Variants in MAOB observed in about 807,000 individuals in gnomAD.
The protein encoded by MAOB is amine oxidase [flavin-containing] B.
Under a neutral mutation model 41.9 loss-of-function variants are expected in MAOB, and 15 were observed. That is an observed-to-expected ratio of 0.36 (90% CI 0.24 to 0.55). The LOEUF is 0.55. Among genes scored for constraint, MAOB ranks in the 20% least tolerant of loss-of-function variants. The probability of loss-of-function intolerance (pLI) is 0.86; values close to 1 mark genes in which losing one functional copy is unlikely to be tolerated. For synonymous variants in MAOB, 167 were observed against 144.2 expected (o/e 1.16, Z -1.13); for missense variants, 345 against 398.7 (o/e 0.87, Z 1.15).
chrX:43,803,551 A>G lies in MAOB; in HGVS notation c.280-147T>C, dbSNP rs778278329. ...CAACTTTTTAGCTCCTTGTGTCCTC[A>G]GAACCCCACTTAACTTTTTAGCATA... On this transcript the variant is annotated intron_variant, in intron 3 of 14. Coordinates refer to ENST00000378069, the MANE Select transcript of MAOB (RefSeq NM_000898.5). 5 of 824,356 alleles carry G rather than the reference A, an allele frequency of 6.1e-6. No individual in the cohort carries two copies. In the South Asian group the frequency reaches 2.1e-4, roughly 34 times the overall value. The allele number at this position is 824,356 out of a possible 1,213,427, so 67.9% of individuals were successfully genotyped here. A position where few individuals can be genotyped will look rare whatever the true frequency, so the allele number is the denominator to read the frequency against.
chrX:43,772,557 T>C (rs1420246624), intron 12 of MAOB, among the ~76,000 whole-genome samples: 1 of 112,189 alleles, frequency 8.9e-6, no homozygotes, highest in Non-Finnish European at 1.9e-5. Context: ...TGTTGAAATA[T>C]CAAGTTTTGT....
At chrX:43,858,693 T>C (rs1752217535) in intron 1 of MAOB, among the ~76,000 whole-genome samples, 1 of 110,861 alleles carries the variant, frequency 9.0e-6, no homozygotes, top group Non-Finnish European at 1.9e-5. Context: ...CATGGCAGGC[T>C]AGGAGAAGGC....
In MAOB at chrX:43,882,270, C is replaced by T; in HGVS notation, c.30G>A (p.Val10=). 1 of 1,209,718 alleles carries T rather than the reference C, an allele frequency of 8.3e-7. No individual in the cohort carries two copies. Among genetic ancestry groups the T allele is most frequent in the South Asian group, 1.8e-5 (1 of 56,501 alleles). The change falls in exon 1 of 15, where the codon GTG becomes GTA. Residue 10 remains valine (V), a synonymous_variant. Transcript: ENST00000378069. ...GCGACTAACCTGAGATGCCGCCCCC[C>T]ACCACGACCACGTCGCATTTGTTGC... The part of the protein sequence containing the change: MSNKCDVVV[V]GGGISGMAAA...
chrX:43,878,447 G>GTGTGT (rs1201864931), intron 1 of MAOB, among the ~76,000 whole-genome samples: 6 of 102,316 alleles, frequency 5.9e-5, no homozygotes, highest in African/African-American at 2.3e-4. Flanking sequence ...TGTGTGTGTG[G>GTGTGT]AGACCATGTC....
At chrX:43,826,438 C>A (rs1569223603) in intron 3 of MAOB, among the ~76,000 whole-genome samples, 1 of 112,496 alleles carries the variant, frequency 8.9e-6, no homozygotes, top group East Asian at 2.8e-4. Context: ...TACCTAAAGC[C>A]TACCAACTGC....
At chrX:43,843,381 A>T (rs1194354356) in intron 2 of MAOB, among the ~76,000 whole-genome samples, 3 of 106,504 alleles carry the variant, frequency 2.8e-5, no homozygotes, top group African/African-American at 6.9e-5. Context: ...ACACACACAC[A>T]CACACACACA....
At chrX:43,835,873 A>C (rs17146719) in intron 3 of MAOB, among the ~76,000 whole-genome samples, 2,024 of 111,732 alleles carry the variant, frequency 0.018, 41 homozygotes, top group African/African-American at 0.06. Flanking sequence ...AGTATATCCA[A>C]GTTCCTTAGC....
intron 3 of MAOB, among the ~76,000 whole-genome samples, chrX:43,805,484 T>G (rs2034651436): frequency 1.8e-5 from 2 of 111,841 alleles, no homozygotes; most frequent in Admixed American, 1.9e-4. Context: ...GGGCAACCAC[T>G]GTTCAGTTTT....
intron 3 of MAOB, among the ~76,000 whole-genome samples, chrX:43,832,402 G>T (rs181419161): frequency 2.0e-3 from 223 of 111,426 alleles, no homozygotes; most frequent in African/African-American, 7.1e-3. Flanking sequence ...GAACAACACA[G>T]GTTTGAACTG....
intron 3 of MAOB, among the ~76,000 whole-genome samples, chrX:43,810,613 A>T (rs1401061882): frequency 9.0e-6 from 1 of 111,111 alleles, no homozygotes; most frequent in Non-Finnish European, 1.9e-5. Flanking sequence ...TAAAAAAAAG[A>T]ATGTAAAAAA....
chrX:43,833,789 A>G (rs1326737849), intron 3 of MAOB, among the ~76,000 whole-genome samples: 1 of 112,018 alleles, frequency 8.9e-6, no homozygotes, highest in Admixed American at 9.5e-5. Flanking sequence ...TGATTGTACC[A>G]TATTTTAAGT....
chrX:43,817,115 T>C (rs772587004), intron 3 of MAOB, among the ~76,000 whole-genome samples: 6 of 107,453 alleles, frequency 5.6e-5, no homozygotes, highest in Non-Finnish European at 1.2e-4. Flanking sequence ...CTTCTTCATC[T>C]TCATCTTCTT....
intron 3 of MAOB, among the ~76,000 whole-genome samples, chrX:43,820,299 T>C (rs1379455889): frequency 2.7e-5 from 3 of 112,428 alleles, no homozygotes; most frequent in Non-Finnish European, 3.8e-5. Context: ...AGCTCTAATA[T>C]TCTAATTTAA....
chrX:43,770,476 A>G (rs747929544), intron 12 of MAOB, among the ~76,000 whole-genome samples: 1 of 111,742 alleles, frequency 8.9e-6, no homozygotes, highest in Non-Finnish European at 1.9e-5. Flanking sequence ...AGACAAAGTA[A>G]TTTGCTCTCG....
intron 3 of MAOB, among the ~76,000 whole-genome samples, chrX:43,822,244 T>G (rs1379431873): frequency 8.9e-6 from 1 of 111,988 alleles, no homozygotes; most frequent in Non-Finnish European, 1.9e-5. Flanking sequence ...CTTAGATGAG[T>G]CAGAATACTT....
At chrX:43,800,215 G>T (rs1321647957) in intron 5 of MAOB, among the ~76,000 whole-genome samples, 1 of 111,096 alleles carries the variant, frequency 9.0e-6, no homozygotes, top group Non-Finnish European at 1.9e-5. Flanking sequence ...GATAGAAAAT[G>T]TCGGGTCCCT....
At chrX:43,852,394 G>A (rs959069434) in intron 1 of MAOB, among the ~76,000 whole-genome samples, 1 of 112,369 alleles carries the variant, frequency 8.9e-6, no homozygotes, top group African/African-American at 3.2e-5. Flanking sequence ...GATGTGCTAA[G>A]ATAATTAGGG....
At chrX:43,818,852 C>A (rs1267811498) in intron 3 of MAOB, among the ~76,000 whole-genome samples, 1 of 112,227 alleles carries the variant, frequency 8.9e-6, no homozygotes, top group Non-Finnish European at 1.9e-5. Flanking sequence ...CCTGGAGAGG[C>A]AGGTCCATGA....
chrX:43,768,510 T>C lies in MAOB; in HGVS notation c.1410+144A>G, dbSNP rs1476359121. ...AATCTCTCACCTCTACCCTAACCCA[T>C]GATACTTATTTAAACATTCATGTTT... On this transcript the variant is annotated intron_variant, in intron 14 of 14. Coordinates refer to ENST00000378069, the MANE Select transcript of MAOB (RefSeq NM_000898.5). 18 of 471,944 alleles carry C rather than the reference T, an allele frequency of 3.8e-5. No homozygotes were observed. The South Asian group carries it at 6.3e-4, about 17-fold the overall frequency. 38.9% of individuals were successfully genotyped at this position (471,944 alleles called of 1,213,427 possible).
Sources: allele counts gnomAD v4.1 joint callset (sites outside exome capture counted in the v4.1 genomes callset), GRCh38; gene constraint gnomAD v4.1.1; transcripts MANE v1.5; gene names NCBI Gene and HGNC (gene_info 2026-07-23, HGNC 2026-07-21).